The following SLC10A7 variants were observed in gnomAD, a reference collection of about 807,000 sequenced individuals.
The protein encoded by SLC10A7 is sodium/bile acid cotransporter 7.
SLC10A7 carries 29 observed loss-of-function variants against 43.2 expected under a neutral mutation model. The observed-to-expected ratio is 0.67, with a 90% CI of 0.50 to 0.92. SLC10A7 has a LOEUF of 0.92. Among genes scored for constraint, SLC10A7 ranks in the 40% least tolerant of loss-of-function variants. The probability of loss-of-function intolerance (pLI) is 0.00; values close to 1 mark genes in which losing one functional copy is unlikely to be tolerated. For synonymous variants in SLC10A7, 152 were observed against 144.8 expected (o/e 1.05, Z -0.35); for missense variants, 295 against 403.2 (o/e 0.73, Z 2.30).
In SLC10A7 at chr4:146,518,031, C is replaced by T. The variant is rs538460154; in HGVS notation, c.101-911G>A. 3.9e-5 allele frequency among the ~76,000 whole-genome samples: 6 copies of T among 152,260 alleles called. No individual in the cohort carries two copies. In the East Asian group the frequency reaches 5.8e-4, roughly 15 times the overall value. On this transcript the variant is annotated intron_variant, in intron 1 of 11. Transcript: ENST00000335472. ...AGAGATATGTGGTGACCCAGCCAGG[C>T]CTGGTCCCTGCCTTCCAGGAAATCC...
intron 4 of SLC10A7, among the ~76,000 whole-genome samples, chr4:146,486,911 T>C (rs1223427438): frequency 2.0e-5 from 3 of 152,206 alleles, no homozygotes; most frequent in Admixed American, 1.3e-4. Flanking sequence ...TTTAGATTCA[T>C]GTCTATAGGG....
chr4:146,268,185 T>C (rs1404208973), intron 10 of SLC10A7, among the ~76,000 whole-genome samples: 1 of 152,196 alleles, frequency 6.6e-6, no homozygotes, highest in Non-Finnish European at 1.5e-5. Context: ...TTAAAAAGAC[T>C]GGAAGCTCAA....
intron 4 of SLC10A7, among the ~76,000 whole-genome samples, chr4:146,501,398 G>C (rs1039643986): frequency 1.3e-5 from 2 of 152,112 alleles, no homozygotes; most frequent in Non-Finnish European, 2.9e-5. Context: ...CTCCTTCAGG[G>C]CACATAAATG....
intron 6 of SLC10A7, among the ~76,000 whole-genome samples, chr4:146,316,359 G>A (rs1732323436): frequency 1.3e-5 from 2 of 152,076 alleles, no homozygotes. Flanking sequence ...TGCTGGTATT[G>A]GGAGACAGGA....
At chr4:146,508,104 G>A (rs887064903) in intron 3 of SLC10A7, among the ~76,000 whole-genome samples, 3 of 152,118 alleles carry the variant, frequency 2.0e-5, no homozygotes, top group Admixed American at 1.3e-4. Context: ...TCTGCAAGCC[G>A]ACCCTATGGA....
intron 10 of SLC10A7, among the ~76,000 whole-genome samples, chr4:146,268,527 T>C (rs558411786): frequency 3.9e-5 from 6 of 152,272 alleles, no homozygotes; most frequent in Non-Finnish European, 7.4e-5. Context: ...TTCACAGATA[T>C]TTTGGGTTTT....
intron 5 of SLC10A7, among the ~76,000 whole-genome samples, chr4:146,391,756 T>C (rs1207376833): frequency 6.6e-6 from 1 of 152,228 alleles, no homozygotes; most frequent in Non-Finnish European, 1.5e-5. Flanking sequence ...CCTCACAAGG[T>C]ATACTGCACT....
At chr4:146,333,765 C>T (rs1733694001) in intron 5 of SLC10A7, among the ~76,000 whole-genome samples, 1 of 151,760 alleles carries the variant, frequency 6.6e-6, no homozygotes, top group Non-Finnish European at 1.5e-5. Flanking sequence ...GTTTATGCAG[C>T]CATGGGTGTG....
At chr4:146,451,210 G>C (rs1210445442) in intron 4 of SLC10A7, among the ~76,000 whole-genome samples, 11 of 124,420 alleles carry the variant, frequency 8.8e-5, no homozygotes, top group African/African-American at 3.4e-4. Flanking sequence ...GAGTAACAAG[G>C]CTGAATCAGA....
chr4:146,426,953 T>G (rs1481985513), intron 5 of SLC10A7, among the ~76,000 whole-genome samples: 1 of 152,192 alleles, frequency 6.6e-6, no homozygotes, highest in Non-Finnish European at 1.5e-5. Context: ...CGTAGAGAAA[T>G]GAACAGTCAG....
intron 2 of SLC10A7, chr4:146,515,137 G>A (rs1428584257): frequency 1.0e-5 from 7 of 702,046 alleles, no homozygotes; most frequent in Admixed American, 8.0e-5. Context: ...TCGCAGAATC[G>A]CATTAAGTAA....
chr4:146,266,139 G>T, intron 10 of SLC10A7, among the ~76,000 whole-genome samples: 1 of 152,176 alleles, frequency 6.6e-6, no homozygotes, highest in Non-Finnish European at 1.5e-5. Flanking sequence ...CTCTTCAGTT[G>T]TCATGGTGAT....
chr4:146,355,783 G>A (rs906393141), intron 5 of SLC10A7, among the ~76,000 whole-genome samples: 4 of 145,360 alleles, frequency 2.8e-5, no homozygotes, highest in Non-Finnish European at 4.5e-5. Context: ...GTAAACTATC[G>A]CAAGAACAAA....
chr4:146,350,137 G>C, intron 5 of SLC10A7, among the ~76,000 whole-genome samples: 1 of 149,294 alleles, frequency 6.7e-6, no homozygotes, highest in Non-Finnish European at 1.5e-5. Context: ...CATCTCACTA[G>C]GGAGTGCCAG....
At chr4:146,498,729 C>G (rs1736138491) in intron 4 of SLC10A7, among the ~76,000 whole-genome samples, 1 of 152,148 alleles carries the variant, frequency 6.6e-6, no homozygotes, top group African/African-American at 2.4e-5. Flanking sequence ...ATATACATTG[C>G]TATGCACATA....
At chr4:146,449,539 G>C (rs1731398665) in intron 4 of SLC10A7, among the ~76,000 whole-genome samples, 1 of 151,956 alleles carries the variant, frequency 6.6e-6, no homozygotes, top group Non-Finnish European at 1.5e-5. Context: ...TATGACAGAG[G>C]GCATTGAGGG....
At chr4:146,293,828 TA>T in intron 8 of SLC10A7, 101 bp downstream of exon 8, 1 of 673,270 alleles carries the variant, frequency 1.5e-6, no homozygotes, top group Non-Finnish European at 2.3e-6. Flanking sequence ...CATTCATTTC[TA>T]GTCAAATTAA....
intron 4 of SLC10A7, among the ~76,000 whole-genome samples, chr4:146,470,567 T>C (rs534885214): frequency 6.6e-6 from 1 of 152,284 alleles, no homozygotes; most frequent in South Asian, 2.1e-4. Flanking sequence ...AATGCACAAT[T>C]ACCTTTTTGG....
At chr4:146,449,271 C>A (rs959619423) in intron 4 of SLC10A7, among the ~76,000 whole-genome samples, 6 of 152,092 alleles carry the variant, frequency 3.9e-5, no homozygotes, top group Non-Finnish European at 8.8e-5. Flanking sequence ...CTAGAACAGA[C>A]CACAATGGTA....
Sources: gnomAD v4.1 joint callset for allele counts (sites outside exome capture counted in the v4.1 genomes callset) on GRCh38, gnomAD v4.1.1 for gene constraint, MANE v1.5 for transcripts, NCBI Gene and HGNC (gene_info 2026-07-23, HGNC 2026-07-21) for gene names.